The following PBX3 variants were observed in gnomAD, a reference collection of about 807,000 sequenced individuals.
PBX3 encodes pre-B-cell leukemia transcription factor 3.
In PBX3, 14 loss-of-function variants were observed where a neutral mutation model predicts 48.5. The ratio of observed to expected loss-of-function variants is 0.29; its 90% CI spans 0.19 to 0.45. The LOEUF is 0.45. Among genes scored for constraint, PBX3 ranks in the 20% least tolerant of loss-of-function variants. The probability of loss-of-function intolerance (pLI) is 1.00; values close to 1 mark genes in which losing one functional copy is unlikely to be tolerated. For synonymous variants in PBX3, 210 were observed against 200.3 expected, an observed-to-expected ratio of 1.05 and a Z score of -0.41; for missense variants, 386 against 546.7, an observed-to-expected ratio of 0.71 and a Z score of 2.93.
At chr9:125,955,378 C>A (rs948869462) in intron 5 of PBX3, among the ~76,000 whole-genome samples, 2 of 152,148 alleles carry the variant, frequency 1.3e-5, no homozygotes, top group South Asian at 2.1e-4. Flanking sequence ...CCGCTCCTTC[C>A]CCAACAGAAA....
chr9:125,808,840 A>G (rs1838203333), intron 2 of PBX3, among the ~76,000 whole-genome samples: 1 of 152,180 alleles, frequency 6.6e-6, no homozygotes, highest in Non-Finnish European at 1.5e-5. Context: ...CTTATTTAAT[A>G]TATATTGTTG....
At chr9:125,808,758 T>A (rs1189339929) in intron 2 of PBX3, among the ~76,000 whole-genome samples, 1 of 152,212 alleles carries the variant, frequency 6.6e-6, no homozygotes, top group East Asian at 1.9e-4. Flanking sequence ...TAGGTTCCTG[T>A]GAGTCTCTGG....
At chr9:125,899,392 A>C (rs1356548319) in intron 2 of PBX3, among the ~76,000 whole-genome samples, 3 of 130,062 alleles carry the variant, frequency 2.3e-5, no homozygotes, top group Non-Finnish European at 3.4e-5. Flanking sequence ...TTTTTATATA[A>C]ATATACAAAT....
At chr9:125,887,376 T>A (rs999853951) in intron 2 of PBX3, among the ~76,000 whole-genome samples, 3 of 152,182 alleles carry the variant, frequency 2.0e-5, no homozygotes, top group African/African-American at 7.2e-5. Flanking sequence ...AATTGATGGC[T>A]AAAGAAAAGC....
chr9:125,936,314 T>A (rs778039990), intron 5 of PBX3, among the ~76,000 whole-genome samples: 63 of 152,294 alleles, frequency 4.1e-4, no homozygotes, highest in East Asian at 1.9e-4. Flanking sequence ...CATAAATATA[T>A]CGTATTAGCA....
chr9:125,960,426 T>C (rs1041972746), intron 5 of PBX3, among the ~76,000 whole-genome samples: 2 of 152,250 alleles, frequency 1.3e-5, no homozygotes, highest in African/African-American at 4.8e-5. Flanking sequence ...TGGATATCTT[T>C]TATGAGCAGC....
chr9:125,945,871 G>A (rs1471358833), intron 5 of PBX3, among the ~76,000 whole-genome samples: 3 of 152,190 alleles, frequency 2.0e-5, no homozygotes, highest in Admixed American at 2.0e-4. Flanking sequence ...GTTCCTAGTT[G>A]AGGCCCTGGG....
In PBX3 at chr9:125,748,563, A is replaced by C. The variant is rs1836274681; in HGVS notation, c.214A>C (p.Asn72His). 1 of 1,613,748 alleles carries C rather than the reference A, an allele frequency of 6.2e-7. No individual in the cohort carries two copies. The highest frequency in any genetic ancestry group is 1.3e-5 in the African/African-American group (1 of 74,942). ...DEAQAKKHAL[N>H]CHRMKPALFS... The stretch of plus-strand genomic sequence containing the variant: ...TTTGTTTTTTAGGAAACATGCCCTG[A>C]ACTGTCACAGAATGAAACCAGCGCT... Residue 72 changes from asparagine to histidine, a missense_variant, in exon 2 of 9, where the codon AAC (asparagine) becomes CAC (histidine). Asn to His is a moderately conservative substitution (Grantham distance 68, BLOSUM62 1). Transcript: ENST00000373489.
intron 2 of PBX3, among the ~76,000 whole-genome samples, chr9:125,829,640 A>G (rs956120737): frequency 2.6e-5 from 4 of 152,146 alleles, no homozygotes; most frequent in African/African-American, 7.2e-5. Flanking sequence ...TGAAAGCCAA[A>G]CTATTAGGCT....
chr9:125,950,942 A>AT (rs1842182974), intron 5 of PBX3, among the ~76,000 whole-genome samples: 1 of 152,228 alleles, frequency 6.6e-6, no homozygotes, highest in Non-Finnish European at 1.5e-5. Context: ...AATGAAATTG[A>AT]GTAAAGAATA....
chr9:125,907,810 G>T (rs1223200102), intron 2 of PBX3, among the ~76,000 whole-genome samples: 1 of 152,102 alleles, frequency 6.6e-6, no homozygotes, highest in Non-Finnish European at 1.5e-5. Flanking sequence ...CTTAAAGAGA[G>T]ACCCGTGTTT....
chr9:125,964,997 G>A lies in PBX3; in HGVS notation c.1213-834G>A, dbSNP rs139454436. 3.1e-3 allele frequency among the ~76,000 whole-genome samples: 477 copies of A among 152,304 alleles called. 2 individuals carry two copies. Among genetic ancestry groups the A allele is most frequent in the African/African-American group, 0.011 (451 of 41,560 alleles). ...TCACCCTCACCTCCTCTCCAGAAAGGCCTGCCCCATCACTTCCACTCAGTG... is the reference window on the plus strand; with the variant it reads ...TCACCCTCACCTCCTCTCCAGAAAGACCTGCCCCATCACTTCCACTCAGTG... On this transcript the variant is annotated intron_variant, in intron 8 of 8. Coordinates refer to ENST00000373489, the MANE Select transcript of PBX3 (RefSeq NM_006195.6).
At chr9:125,796,379 A>G (rs1032424307) in intron 2 of PBX3, among the ~76,000 whole-genome samples, 8 of 152,214 alleles carry the variant, frequency 5.3e-5, no homozygotes, top group African/African-American at 1.9e-4. Context: ...CCTCAGGGGT[A>G]GTGCATTAAG....
At chr9:125,809,687 T>C (rs1241776603) in intron 2 of PBX3, among the ~76,000 whole-genome samples, 3 of 152,060 alleles carry the variant, frequency 2.0e-5, no homozygotes, top group Admixed American at 6.6e-5. Flanking sequence ...ATCACAATCA[T>C]AAAGGAAATA....
intron 2 of PBX3, among the ~76,000 whole-genome samples, chr9:125,819,820 A>G (rs10819076): frequency 0.059 from 8,988 of 152,246 alleles, 607 homozygotes; most frequent in East Asian, 0.17. Flanking sequence ...AACTTAGAAT[A>G]TGAAATAGCA....
At chr9:125,882,994 T>C (rs1326549811) in intron 2 of PBX3, among the ~76,000 whole-genome samples, 2 of 152,142 alleles carry the variant, frequency 1.3e-5, no homozygotes, top group Non-Finnish European at 2.9e-5. Flanking sequence ...CACACAAACA[T>C]GTAACAAAAT....
intron 2 of PBX3, among the ~76,000 whole-genome samples, chr9:125,758,392 T>C (rs1179405567): frequency 6.6e-6 from 1 of 152,178 alleles, no homozygotes; most frequent in Non-Finnish European, 1.5e-5. Flanking sequence ...AATATTGACA[T>C]GCCATCTAAT....
intron 2 of PBX3, among the ~76,000 whole-genome samples, chr9:125,798,868 C>T (rs916052723): frequency 1.3e-5 from 2 of 151,064 alleles, no homozygotes; most frequent in African/African-American, 4.9e-5. Flanking sequence ...AAAAACAGTC[C>T]CCAGTTTGTT....
chr9:125,945,229 GA>G (rs61194830), intron 5 of PBX3, among the ~76,000 whole-genome samples: 91,978 of 145,370 alleles, frequency 0.63, 29,891 homozygotes, highest in East Asian at 0.77. Context: ...GTCTCAAAAA[GA>G]AAAAAAAAAA....
Sources: gnomAD v4.1 joint callset for allele counts (sites outside exome capture counted in the v4.1 genomes callset) on GRCh38, gnomAD v4.1.1 for gene constraint, MANE v1.5 for transcripts, NCBI Gene and HGNC (gene_info 2026-07-23, HGNC 2026-07-21) for gene names.